CLSTN2: variants seen among roughly 807,000 people sequenced by gnomAD.
The protein encoded by CLSTN2 is calsyntenin-2.
CLSTN2 carries 48 observed loss-of-function variants against 101.2 expected under a neutral mutation model. That is an observed-to-expected ratio of 0.47 (90% CI 0.38 to 0.60). The LOEUF (loss-of-function observed/expected upper bound fraction) is 0.60, where lower values mean the gene tolerates loss of function less well. Among genes scored for constraint, CLSTN2 ranks in the 20% least tolerant of loss-of-function variants. The probability of loss-of-function intolerance (pLI) is 0.00; values close to 1 mark genes in which losing one functional copy is unlikely to be tolerated. For missense variants in CLSTN2, 1,160 were observed against 1,238.2 expected (o/e 0.94, Z 0.95); for synonymous variants, 481 against 463.6 (o/e 1.04, Z -0.48).
At chr3:140,041,639 C>A (rs1184522191) in intron 1 of CLSTN2, among the ~76,000 whole-genome samples, 1 of 152,196 alleles carries the variant, frequency 6.6e-6, no homozygotes, top group African/African-American at 2.4e-5. Context: ...ATCTCTCTGG[C>A]TTCCATGCTT....
chr3:140,488,235 C>A (rs1934276930), intron 8 of CLSTN2, among the ~76,000 whole-genome samples: 1 of 152,080 alleles, frequency 6.6e-6, no homozygotes, highest in Admixed American at 6.5e-5. Flanking sequence ...TGGTCAAGAT[C>A]AAATTTAAAA....
chr3:140,476,353 T>C (rs1027149018), intron 8 of CLSTN2, among the ~76,000 whole-genome samples: 1 of 152,190 alleles, frequency 6.6e-6, no homozygotes. Context: ...TTTCTTTTAG[T>C]TTTAACAAAA....
intron 8 of CLSTN2, among the ~76,000 whole-genome samples, chr3:140,532,027 CACTTG>C (rs1240276061): frequency 5.3e-5 from 8 of 152,102 alleles, no homozygotes; most frequent in African/African-American, 1.7e-4. Flanking sequence ...CAGTAGGACC[CACTTG>C]TGGTTCTTCT....
At chr3:140,004,708 G>A (rs2006918891) in intron 1 of CLSTN2, among the ~76,000 whole-genome samples, 1 of 152,208 alleles carries the variant, frequency 6.6e-6, no homozygotes, top group Non-Finnish European at 1.5e-5. Flanking sequence ...TTTGATTTCT[G>A]GCTCCTTTAA....
chr3:140,268,920 T>C (rs1282729135), intron 2 of CLSTN2, among the ~76,000 whole-genome samples: 3 of 152,200 alleles, frequency 2.0e-5, no homozygotes, highest in Non-Finnish European at 4.4e-5. Flanking sequence ...TGAGATAATG[T>C]AGGTAGTGGT....
At chr3:140,100,787 C>T (rs2008952933) in intron 1 of CLSTN2, among the ~76,000 whole-genome samples, 1 of 152,224 alleles carries the variant, frequency 6.6e-6, no homozygotes, top group Non-Finnish European at 1.5e-5. Context: ...AGCCAGAAGG[C>T]TGCTGTAGAG....
chr3:140,264,375 A>AATATATATATATATATATAT (rs61248635), intron 2 of CLSTN2, among the ~76,000 whole-genome samples: 1 of 98,516 alleles, frequency 1.0e-5, no homozygotes, highest in Non-Finnish European at 2.0e-5. Context: ...TAATGAATCA[A>AATATATATATATATATATAT]ATATATATAT....
At chr3:140,132,993 C>G (rs1314799864) in intron 1 of CLSTN2, among the ~76,000 whole-genome samples, 1 of 152,072 alleles carries the variant, frequency 6.6e-6, no homozygotes, top group Non-Finnish European at 1.5e-5. Context: ...AAGGAATACC[C>G]AAGACTGGAT....
intron 2 of CLSTN2, among the ~76,000 whole-genome samples, chr3:140,283,986 G>C (rs2086872103): frequency 6.6e-6 from 1 of 152,160 alleles, no homozygotes; most frequent in Non-Finnish European, 1.5e-5. Flanking sequence ...CTGTAAAGGA[G>C]GAACAGGCTA....
At chr3:140,350,526 A>C (rs1432691630) in intron 2 of CLSTN2, among the ~76,000 whole-genome samples, 1 of 152,196 alleles carries the variant, frequency 6.6e-6, no homozygotes, top group Non-Finnish European at 1.5e-5. Context: ...TGAAGAACAT[A>C]CTAAATAATG....
intron 1 of CLSTN2, among the ~76,000 whole-genome samples, chr3:140,163,820 C>T (rs985756383): frequency 6.6e-6 from 1 of 151,642 alleles, no homozygotes; most frequent in African/African-American, 2.4e-5. Flanking sequence ...AGAACACGAC[C>T]GTAAAGGCTG....
chr3:140,481,538 C>T (rs911179892), intron 8 of CLSTN2, among the ~76,000 whole-genome samples: 2 of 152,156 alleles, frequency 1.3e-5, no homozygotes, highest in Admixed American at 1.3e-4. Flanking sequence ...TTACCTTGGG[C>T]AGTATGGCCA....
At chr3:140,011,801 G>A (rs143679331) in intron 1 of CLSTN2, among the ~76,000 whole-genome samples, 1,782 of 151,830 alleles carry the variant, frequency 0.012, 36 homozygotes, top group African/African-American at 0.041. Context: ...GGCAGGGGTC[G>A]GGGGGGATTG....
chr3:140,014,731 G>C (rs1054775167), intron 1 of CLSTN2, among the ~76,000 whole-genome samples: 1 of 152,214 alleles, frequency 6.6e-6, no homozygotes, highest in African/African-American at 2.4e-5. Context: ...GGAATAGGGA[G>C]AGGAGCAGGG....
intron 1 of CLSTN2, among the ~76,000 whole-genome samples, chr3:140,045,857 G>A (rs1193553873): frequency 6.6e-6 from 1 of 152,196 alleles, no homozygotes; most frequent in Non-Finnish European, 1.5e-5. Context: ...CTGAGTTCTA[G>A]TTTGATTGCA....
chr3:140,086,029 A>G (rs1445888716), intron 1 of CLSTN2, among the ~76,000 whole-genome samples: 1 of 152,196 alleles, frequency 6.6e-6, no homozygotes, highest in Non-Finnish European at 1.5e-5. Context: ...TCAGCCAACT[A>G]TAAATCTCTC....
At chr3:140,054,342 T>G (rs74517704) in intron 1 of CLSTN2, among the ~76,000 whole-genome samples, 3,985 of 152,200 alleles carry the variant, frequency 0.026, 158 homozygotes, top group African/African-American at 0.082. Flanking sequence ...CTTTGATAGT[T>G]GCTGAAACCT....
chr3:139,951,571 T>G (rs1426439008), intron 1 of CLSTN2, among the ~76,000 whole-genome samples: 1 of 152,162 alleles, frequency 6.6e-6, no homozygotes, highest in Non-Finnish European at 1.5e-5. Flanking sequence ...ACAGAAGCAC[T>G]GTTAGGGGGT....
chr3:140,192,800 G>GTT (rs2010588012), intron 2 of CLSTN2, among the ~76,000 whole-genome samples: 1 of 151,732 alleles, frequency 6.6e-6, no homozygotes, highest in South Asian at 2.1e-4. Flanking sequence ...ATATTTATAT[G>GTT]GTAGGGTTTA....
Sources: gnomAD v4.1 joint callset for allele counts (sites outside exome capture counted in the v4.1 genomes callset) on GRCh38, gnomAD v4.1.1 for gene constraint, MANE v1.5 for transcripts, NCBI Gene and HGNC (gene_info 2026-07-23, HGNC 2026-07-21) for gene names.